OXR1: variants seen among roughly 807,000 people sequenced by gnomAD.
OXR1 encodes the protein oxidation resistance 1, also known as oxidation resistance protein 1.
In OXR1, 41 loss-of-function variants were observed where a neutral mutation model predicts 104.6. The ratio of observed to expected loss-of-function variants is 0.39; its 90% CI spans 0.31 to 0.51. The LOEUF is 0.51. Among genes scored for constraint, OXR1 ranks in the 20% least tolerant of loss-of-function variants. OXR1 has a pLI of 0.77. For synonymous variants in OXR1, 348 were observed against 348.4 expected (o/e 1.00, Z 0.01); for missense variants, 955 against 1,031.9 (o/e 0.93, Z 1.02).
chr8:106,464,430 C>T (rs557168780), intron 2 of OXR1, among the ~76,000 whole-genome samples: 3 of 152,038 alleles, frequency 2.0e-5, no homozygotes, highest in South Asian at 4.2e-4. Flanking sequence ...AGGCTTATTG[C>T]CCCCGTGACA....
At chr8:106,422,147 G>T (rs1209739313) in intron 2 of OXR1, among the ~76,000 whole-genome samples, 1 of 152,152 alleles carries the variant, frequency 6.6e-6, no homozygotes, top group Non-Finnish European at 1.5e-5. Context: ...TGTGGATAGA[G>T]CTTACTAGTT....
At chr8:106,692,392 C>T (rs981925685) in intron 6 of OXR1, among the ~76,000 whole-genome samples, 3 of 151,920 alleles carry the variant, frequency 2.0e-5, no homozygotes, top group Non-Finnish European at 4.4e-5. Context: ...AGTGTGTGTG[C>T]ACGTGTGTGT....
chr8:106,612,969 T>A (rs1820928604), intron 3 of OXR1, among the ~76,000 whole-genome samples: 1 of 152,084 alleles, frequency 6.6e-6, no homozygotes, highest in Non-Finnish European at 1.5e-5. Flanking sequence ...TGCTCATCAC[T>A]CTGCAACACG....
chr8:106,593,802 T>C (rs1819302824), intron 3 of OXR1, among the ~76,000 whole-genome samples: 1 of 152,130 alleles, frequency 6.6e-6, no homozygotes, highest in Admixed American at 6.5e-5. Context: ...AGATTCTGAT[T>C]TAACTAAGTC....
At position 106,726,364 on chromosome 8, in the gene OXR1, CATT is replaced by C. The variant is rs534139926; in HGVS notation, c.1957-11153_1957-11151del. The C allele has an allele frequency of 5.6e-4, 506 of 905,630 alleles. 2 individuals carry two copies. In the African/African-American group the frequency reaches 7.7e-3, roughly 14 times the overall value. 56.1% of individuals were successfully genotyped at this position (905,630 alleles called of 1,614,324 possible). A position where few individuals can be genotyped will look rare whatever the true frequency, so the allele number is the denominator to read the frequency against. On this transcript the variant is annotated intron_variant, in intron 11 of 16. Coordinates refer to ENST00000517566, the MANE Select transcript of OXR1 (RefSeq NM_001198533.2). Reference sequence around the variant, plus strand: ...ATATATACTAGTCTTTTCATGGTGACATTATGAAAAATTATACAATTTCTGAAA... The same window carrying C: ...ATATATACTAGTCTTTTCATGGTGACATGAAAAATTATACAATTTCTGAAA...
chr8:106,370,192 C>G (rs1816644557), intron 2 of OXR1, among the ~76,000 whole-genome samples: 1 of 152,070 alleles, frequency 6.6e-6, no homozygotes, highest in Non-Finnish European at 1.5e-5. Flanking sequence ...TGATTTGGCT[C>G]TCTGCTTGCT....
intron 11 of OXR1, among the ~76,000 whole-genome samples, chr8:106,726,785 C>T (rs1833387985): frequency 6.6e-6 from 1 of 152,098 alleles, no homozygotes; most frequent in South Asian, 2.1e-4. Context: ...TCAGGCAATG[C>T]TACCTAATAC....
intron 3 of OXR1, among the ~76,000 whole-genome samples, chr8:106,551,789 C>CATATATATAT (rs200289561): frequency 7.1e-5 from 9 of 127,302 alleles, no homozygotes; most frequent in East Asian, 2.3e-4. Context: ...CTCCACTATA[C>CATATATATAT]ATATATATAT....
At chr8:106,539,440 G>A (rs997861772) in intron 3 of OXR1, among the ~76,000 whole-genome samples, 7 of 152,248 alleles carry the variant, frequency 4.6e-5, no homozygotes, top group South Asian at 2.1e-4. Flanking sequence ...AACTAAATAC[G>A]ACTTCTATAA....
At chr8:106,714,094 T>C (rs2131413062) in intron 11 of OXR1, 109 bp downstream of exon 11, 4 of 784,866 alleles carry the variant, frequency 5.1e-6, no homozygotes, top group Non-Finnish European at 8.0e-6. Flanking sequence ...GGAATTTTTT[T>C]AAAGGTCAGG....
intron 2 of OXR1, among the ~76,000 whole-genome samples, chr8:106,370,867 T>G (rs1437555649): frequency 6.6e-6 from 1 of 152,188 alleles, no homozygotes. Context: ...TCTTTTTTTC[T>G]TGTGTCTCTT....
intron 11 of OXR1, among the ~76,000 whole-genome samples, chr8:106,726,533 G>A (rs1308556732): frequency 6.6e-6 from 1 of 152,088 alleles, no homozygotes; most frequent in Non-Finnish European, 1.5e-5. Flanking sequence ...TAAGTGTTTT[G>A]TATGTTCTAC....
chr8:106,539,864 C>T (rs1216961130), intron 3 of OXR1, among the ~76,000 whole-genome samples: 1 of 152,098 alleles, frequency 6.6e-6, no homozygotes, highest in African/African-American at 2.4e-5. Flanking sequence ...ATATCTTTGA[C>T]TCATAGAGAA....
chr8:106,466,790 A>G (rs1014716460), intron 2 of OXR1, among the ~76,000 whole-genome samples: 1 of 151,936 alleles, frequency 6.6e-6, no homozygotes, highest in African/African-American at 2.4e-5. Flanking sequence ...TATACAGACA[A>G]TATCCTCATA....
intron 1 of OXR1, among the ~76,000 whole-genome samples, chr8:106,296,404 A>G (rs1022789267): frequency 1.3e-5 from 2 of 152,200 alleles, no homozygotes; most frequent in African/African-American, 4.8e-5. Flanking sequence ...AGGGCTAAAA[A>G]TAGGTGAGTT....
chr8:106,562,518 GA>G (rs1233466088), intron 3 of OXR1, among the ~76,000 whole-genome samples: 2 of 152,180 alleles, frequency 1.3e-5, no homozygotes, highest in African/African-American at 4.8e-5. Context: ...AAGTGACAGG[GA>G]GAATGGAACC....
At chr8:106,512,741 T>C (rs528585024) in intron 2 of OXR1, among the ~76,000 whole-genome samples, 3 of 151,900 alleles carry the variant, frequency 2.0e-5, no homozygotes, top group East Asian at 3.9e-4. Flanking sequence ...GAGGGGATGA[T>C]GATAGAAGGG....
chr8:106,427,072 C>A (rs149641581), intron 2 of OXR1, among the ~76,000 whole-genome samples: 21 of 152,272 alleles, frequency 1.4e-4, no homozygotes, highest in African/African-American at 4.1e-4. Flanking sequence ...GAAGCCCAAT[C>A]AAAGACTGCA....
intron 3 of OXR1, among the ~76,000 whole-genome samples, chr8:106,669,374 C>A (rs1826688783): frequency 6.6e-6 from 1 of 151,890 alleles, no homozygotes; most frequent in Non-Finnish European, 1.5e-5. Context: ...TGAAAAGAAG[C>A]AGAAAGATGG....
Sources: allele counts gnomAD v4.1 joint callset (sites outside exome capture counted in the v4.1 genomes callset), GRCh38; gene constraint gnomAD v4.1.1; transcripts MANE v1.5; gene names NCBI Gene and HGNC (gene_info 2026-07-23, HGNC 2026-07-21).